Variants in CCSER1 observed in about 807,000 individuals in gnomAD.
CCSER1 encodes serine-rich coiled-coil domain-containing protein 1.
CCSER1 carries 41 observed loss-of-function variants against 82.0 expected under a neutral mutation model. That is an observed-to-expected ratio of 0.50 (90% confidence interval 0.39 to 0.65). The LOEUF is 0.65. Ranked by LOEUF, CCSER1 falls within the 30% of genes least tolerant of loss-of-function variation. The pLI is 0.00. For missense variants in CCSER1, 1,119 were observed against 1,064.2 expected, an observed-to-expected ratio of 1.05 and a Z score of -0.72; for synonymous variants, 414 against 383.9, an observed-to-expected ratio of 1.08 and a Z score of -0.92.
chr4:91,553,443 A>G (rs1240066844), intron 10 of CCSER1, among the ~76,000 whole-genome samples: 1 of 150,834 alleles, frequency 6.6e-6, no homozygotes, highest in Non-Finnish European at 1.5e-5. Flanking sequence ...CCTCTTCTTT[A>G]ATATTTTAAG....
chr4:90,906,452 G>A (rs1725487830), intron 8 of CCSER1, among the ~76,000 whole-genome samples: 1 of 151,998 alleles, frequency 6.6e-6, no homozygotes, highest in Admixed American at 6.6e-5. Flanking sequence ...TTGTGTTTCT[G>A]GAATGCTGTC....
At chr4:90,416,247 T>C (rs1161183355) in intron 4 of CCSER1, among the ~76,000 whole-genome samples, 1 of 152,210 alleles carries the variant, frequency 6.6e-6, no homozygotes, top group African/African-American at 2.4e-5. Flanking sequence ...AATAGGTTGA[T>C]GGAAAGGAAA....
intron 5 of CCSER1, among the ~76,000 whole-genome samples, chr4:90,577,533 T>C (rs1256355487): frequency 6.6e-6 from 1 of 152,172 alleles, no homozygotes. Flanking sequence ...CTCCACTTTT[T>C]AGGGCATTGG....
chr4:90,875,392 T>C (rs188592586), intron 8 of CCSER1, among the ~76,000 whole-genome samples: 2 of 152,244 alleles, frequency 1.3e-5, no homozygotes, highest in Admixed American at 6.5e-5. Flanking sequence ...TTATAAACAA[T>C]AGGGGATAAA....
intron 10 of CCSER1, among the ~76,000 whole-genome samples, chr4:91,304,599 C>T (rs187289674): frequency 4.1e-4 from 62 of 152,072 alleles, no homozygotes; most frequent in Admixed American, 3.7e-3. Flanking sequence ...ACATACGTTC[C>T]TCTTTTATAA....
intron 9 of CCSER1, among the ~76,000 whole-genome samples, chr4:91,003,173 G>C (rs141278527): frequency 1.1e-4 from 16 of 152,338 alleles, no homozygotes; most frequent in African/African-American, 3.6e-4. Context: ...AATGGACTCT[G>C]TGAGGGTCCT....
chr4:90,290,048 A>G (rs1191407261), intron 1 of CCSER1, among the ~76,000 whole-genome samples: 1 of 151,840 alleles, frequency 6.6e-6, no homozygotes, highest in Non-Finnish European at 1.5e-5. Context: ...GTGATATTGG[A>G]TATATTTATA....
intron 9 of CCSER1, among the ~76,000 whole-genome samples, chr4:91,051,033 G>A (rs1186466029): frequency 6.6e-6 from 1 of 152,078 alleles, no homozygotes; most frequent in Non-Finnish European, 1.5e-5. Context: ...CCATATATGA[G>A]TATTTTGTGT....
At chr4:90,484,755 G>T (rs940864475) in intron 5 of CCSER1, among the ~76,000 whole-genome samples, 6 of 152,128 alleles carry the variant, frequency 3.9e-5, no homozygotes, top group African/African-American at 1.4e-4. Flanking sequence ...AGGAGTACCT[G>T]GCCGGCTGTG....
chr4:90,755,362 T>G, intron 7 of CCSER1, among the ~76,000 whole-genome samples: 1 of 152,220 alleles, frequency 6.6e-6, no homozygotes, highest in East Asian at 1.9e-4. Flanking sequence ...GCTCCCACTC[T>G]CATACATCAC....
chr4:90,374,623 G>T (rs2153527629), intron 3 of CCSER1, among the ~76,000 whole-genome samples: 1 of 152,194 alleles, frequency 6.6e-6, no homozygotes, highest in African/African-American at 2.4e-5. Context: ...AACTACTGAT[G>T]AGGAATTACA....
chr4:90,397,471 C>T (rs2153542661), intron 3 of CCSER1, among the ~76,000 whole-genome samples: 1 of 152,300 alleles, frequency 6.6e-6, no homozygotes, highest in South Asian at 2.1e-4. Flanking sequence ...ACCTTGAAAA[C>T]ATCATGTATG....
chr4:91,114,637 A>T (rs1439054413), intron 10 of CCSER1, among the ~76,000 whole-genome samples: 1 of 152,160 alleles, frequency 6.6e-6, no homozygotes, highest in African/African-American at 2.4e-5. Context: ...TGCTCTTTGC[A>T]GTTGGTGGCA....
chr4:90,616,681 TCTCA>T (rs1462354925), intron 5 of CCSER1, among the ~76,000 whole-genome samples: 16 of 118,164 alleles, frequency 1.4e-4, no homozygotes, highest in Non-Finnish European at 2.3e-4. Flanking sequence ...TGTGGCTCTG[TCTCA>T]CACACACACA....
intron 5 of CCSER1, among the ~76,000 whole-genome samples, chr4:90,584,052 A>G (rs1395119728): frequency 2.0e-5 from 3 of 152,192 alleles, no homozygotes; most frequent in Non-Finnish European, 4.4e-5. Context: ...CTGAGCACCA[A>G]GATCTCCATT....
At chr4:91,224,206 G>A (rs1007887478) in intron 10 of CCSER1, among the ~76,000 whole-genome samples, 136 of 152,184 alleles carry the variant, frequency 8.9e-4, no homozygotes, top group African/African-American at 3.3e-3. Flanking sequence ...TAGCATTGCT[G>A]CAAATCCACT....
intron 1 of CCSER1, among the ~76,000 whole-genome samples, chr4:90,266,813 A>G (rs1262277527): frequency 6.6e-6 from 1 of 151,998 alleles, no homozygotes; most frequent in Non-Finnish European, 1.5e-5. Context: ...CATTGGCTAA[A>G]CTGTCTGGGG....
At chr4:90,409,754 T>A (rs1323862739) in intron 4 of CCSER1, among the ~76,000 whole-genome samples, 2 of 152,194 alleles carry the variant, frequency 1.3e-5, no homozygotes, top group Non-Finnish European at 2.9e-5. Context: ...AACATCATAA[T>A]GACAGGATCA....
intron 9 of CCSER1, among the ~76,000 whole-genome samples, chr4:91,081,540 A>C (rs1722743843): frequency 6.6e-6 from 1 of 152,150 alleles, no homozygotes; most frequent in African/African-American, 2.4e-5. Context: ...CCTATTCAAC[A>C]TAGTGTTGGA....
Sources: allele counts gnomAD v4.1 joint callset (sites outside exome capture counted in the v4.1 genomes callset), GRCh38; gene constraint gnomAD v4.1.1; transcripts MANE v1.5; gene names NCBI Gene and HGNC (gene_info 2026-07-23, HGNC 2026-07-21).